Variants in ITGA9 observed in about 807,000 individuals in gnomAD.
ITGA9 encodes integrin subunit alpha 9.
ITGA9 carries 56 observed loss-of-function variants against 127.8 expected under a neutral mutation model. The observed-to-expected ratio is 0.44, with a 90% CI of 0.35 to 0.55. The LOEUF (loss-of-function observed/expected upper bound fraction) is 0.55, where lower values mean the gene tolerates loss of function less well. ITGA9 is among the 20% of genes least tolerant of loss of function. ITGA9 has a pLI of 0.00. For synonymous variants in ITGA9, 508 were observed against 514.5 expected, an observed-to-expected ratio of 0.99 and a Z score of 0.17; for missense variants, 1,196 against 1,347.1, an observed-to-expected ratio of 0.89 and a Z score of 1.76.
chr3:37,785,948 G>C (rs1697035670), intron 26 of ITGA9, among the ~76,000 whole-genome samples: 1 of 152,108 alleles, frequency 6.6e-6, no homozygotes, highest in Non-Finnish European at 1.5e-5. Context: ...AGGTGTGGGA[G>C]AGGCTGGAGG....
chr3:37,782,539 C>G (rs1696987456), intron 25 of ITGA9, among the ~76,000 whole-genome samples: 1 of 152,184 alleles, frequency 6.6e-6, no homozygotes, highest in Admixed American at 6.5e-5. Flanking sequence ...CAGCAGAAAC[C>G]AGGAGCACTT....
chr3:37,539,192 C>T (rs1018069734), intron 14 of ITGA9, among the ~76,000 whole-genome samples: 17 of 152,170 alleles, frequency 1.1e-4, no homozygotes, highest in South Asian at 2.1e-4. Context: ...GCTTGGCACA[C>T]GTTGCAGGTT....
At chr3:37,651,732 T>C (rs1444761692) in intron 16 of ITGA9, among the ~76,000 whole-genome samples, 2 of 152,100 alleles carry the variant, frequency 1.3e-5, no homozygotes, top group Non-Finnish European at 2.9e-5. Context: ...TGGATTTGCT[T>C]GTTGAAGGGT....
At chr3:37,559,549 T>G (rs1382181434) in intron 15 of ITGA9, among the ~76,000 whole-genome samples, 1 of 152,238 alleles carries the variant, frequency 6.6e-6, no homozygotes, top group Non-Finnish European at 1.5e-5. Flanking sequence ...CTGCCTCTTG[T>G]TAGCCTTTTG....
intron 27 of ITGA9, chr3:37,818,577 T>G: frequency 2.7e-6 from 1 of 366,796 alleles, no homozygotes; most frequent in Non-Finnish European, 5.2e-6. Flanking sequence ...AACCTTTTTT[T>G]ACTCCCAAAC....
At chr3:37,625,710 G>A (rs969248720) in intron 15 of ITGA9, among the ~76,000 whole-genome samples, 4 of 152,148 alleles carry the variant, frequency 2.6e-5, no homozygotes, top group Admixed American at 6.5e-5. Flanking sequence ...GCAGTGCTGA[G>A]CTCAGGGAAG....
intron 15 of ITGA9, among the ~76,000 whole-genome samples, chr3:37,603,556 G>A (rs180757346): frequency 7.2e-5 from 11 of 152,246 alleles, no homozygotes; most frequent in Non-Finnish European, 1.6e-4. Flanking sequence ...GTTATAATAG[G>A]GAAGGGATGT....
At chr3:37,748,055 C>G (rs937215876) in intron 22 of ITGA9, 1 of 376,990 alleles carries the variant, frequency 2.7e-6, no homozygotes, top group East Asian at 7.4e-5. Context: ...TCAATCACCC[C>G]CAAAAGAAAT....
intron 9 of ITGA9, among the ~76,000 whole-genome samples, chr3:37,514,995 C>T (rs1244102001): frequency 2.0e-5 from 3 of 152,126 alleles, no homozygotes; most frequent in Non-Finnish European, 2.9e-5. Flanking sequence ...AGCAGTGCAT[C>T]GTGGAAGCAG....
chr3:37,558,750 T>C (rs1699455475), intron 15 of ITGA9, among the ~76,000 whole-genome samples: 1 of 152,212 alleles, frequency 6.6e-6, no homozygotes, highest in Non-Finnish European at 1.5e-5. Flanking sequence ...ATACCATGAC[T>C]TGGCAAGTGA....
chr3:37,598,380 A>G lies in ITGA9; in HGVS notation c.1690-30807A>G, dbSNP rs1426966916. On this transcript the variant is annotated intron_variant, in intron 15 of 27. Transcript: ENST00000264741. The stretch of plus-strand genomic sequence containing the variant: ...CCTGGGGGAGGGGATGGTGCCAGGG[A>G]GCTCTAATTGTATTTTGCTGGCACT... Among the ~76,000 whole-genome samples the G allele has an allele frequency of 4.6e-5, 7 of 152,216 alleles. No individual in the cohort carries two copies. In the East Asian group the frequency reaches 1.4e-3, roughly 29 times the overall value.
intron 25 of ITGA9, 106 bp from the exon 26 acceptor site, chr3:37,784,871 T>C (rs1312836538): frequency 1.1e-6 from 1 of 925,184 alleles, no homozygotes. Flanking sequence ...AAAATTTTTG[T>C]CTGGGCTACA....
Position 37,512,009 on chromosome 3 carries a change from TTTTCTTTTCTTTTCTTTTCTTTC to T in ITGA9, c.898-1746_898-1724del, listed in dbSNP as rs1260504245. 3.4e-3 allele frequency among the ~76,000 whole-genome samples: 139 copies of T among 40,396 alleles called. 3 individuals carry two copies. The highest frequency in any genetic ancestry group is 8.3e-3 in the African/African-American group (117 of 14,172). 26.5% of individuals were successfully genotyped at this position (40,396 alleles called of 152,430 possible). ...TTTTCTTTTCTTTTCTTTTCTTTTC[TTTTCTTTTCTTTTCTTTTCTTTC>T]TTTCTTTCTTTCTTTCTTTCTTTCT... On this transcript the variant is annotated intron_variant, in intron 8 of 27. Coordinates refer to ENST00000264741, the MANE Select transcript of ITGA9 (RefSeq NM_002207.3).
intron 17 of ITGA9, 118 bp from the exon 18 acceptor site, chr3:37,683,747 T>G (rs1199224784): frequency 1.0e-6 from 1 of 997,780 alleles, no homozygotes; most frequent in African/African-American, 1.6e-5. Context: ...TTAATGGGGC[T>G]CCTGGAACTT....
chr3:37,732,815 G>T lies in ITGA9; in HGVS notation c.2154+17G>T. ...AAGTCAAAGGTAAGGGACACAGACG[G>T]GACCCTTCCTCAGCAGCAGGCCCCC... On this transcript the variant is annotated intron_variant, in intron 19 of 27. Transcript: ENST00000264741. The T allele has an allele frequency of 6.4e-7, 1 of 1,574,428 alleles. No individual in the cohort carries two copies. Among genetic ancestry groups the T allele is most frequent in the Non-Finnish European group, 8.7e-7 (1 of 1,150,972 alleles).
chr3:37,629,274 C>T lies in ITGA9; in HGVS notation c.1777C>T (p.Leu593=). Residue 593 remains leucine, a synonymous_variant, in exon 16 of 28, where the codon CTG becomes TTG. Coordinates refer to ENST00000264741, the MANE Select transcript of ITGA9 (RefSeq NM_002207.3). The surrounding 1 kb of genome is among the most constrained non-coding windows in gnomAD (Gnocchi z 4.5). Reference sequence around the variant, plus strand: ...TGTGACTGGAGAGGAGGAGAGGGAACTGCCGCCTCTGACACCAGTTCTCCG... The same window carrying T: ...TGTGACTGGAGAGGAGGAGAGGGAATTGCCGCCTCTGACACCAGTTCTCCG... ...EHVTGEEERE[L]PPLTPVLRWK... The T allele has an allele frequency of 6.2e-7, 1 of 1,614,108 alleles. No homozygotes were observed.
chr3:37,531,139 AC>A (rs5848045), intron 13 of ITGA9, among the ~76,000 whole-genome samples: 80,154 of 151,632 alleles, frequency 0.53, 21,529 homozygotes, highest in East Asian at 0.73. Flanking sequence ...AGAGGCTGGC[AC>A]ATTTGTAGGC....
At chr3:37,663,334 C>A (rs140266532) in intron 17 of ITGA9, among the ~76,000 whole-genome samples, 19 of 152,272 alleles carry the variant, frequency 1.2e-4, no homozygotes, top group African/African-American at 4.6e-4. Flanking sequence ...TGGAACATTT[C>A]ATTGCTGTCT....
At chr3:37,635,322 G>A (rs1272817004) in intron 16 of ITGA9, among the ~76,000 whole-genome samples, 1 of 152,136 alleles carries the variant, frequency 6.6e-6, no homozygotes, top group East Asian at 1.9e-4. Flanking sequence ...TATGGTGATA[G>A]CATAAAATGC....
Sources: gnomAD v4.1 joint callset for allele counts (sites outside exome capture counted in the v4.1 genomes callset) on GRCh38, gnomAD v4.1.1 for gene constraint, Gnocchi (gnomAD v3.1) non-coding constraint, MANE v1.5 for transcripts, NCBI Gene and HGNC (gene_info 2026-07-23, HGNC 2026-07-21) for gene names.